Variants in USP26 observed in about 807,000 individuals in gnomAD.
The protein encoded by USP26 is ubiquitin specific peptidase 26.
For synonymous variants in USP26, 236 were observed against 240.6 expected (o/e 0.98, Z 0.18); for missense variants, 649 against 642.3 (o/e 1.01, Z -0.11).
chrX:133,068,582 A>G (rs113854319), intron 5 of USP26, among the ~76,000 whole-genome samples: 3,887 of 112,510 alleles, frequency 0.035, 101 homozygotes, highest in East Asian at 0.1. Context: ...AGTTTAAGTA[A>G]TGGTGGGAAA....
At chrX:133,095,632 G>A (rs1034246840) in intron 1 of USP26, among the ~76,000 whole-genome samples, 4 of 111,829 alleles carry the variant, frequency 3.6e-5, no homozygotes, top group African/African-American at 6.5e-5. Flanking sequence ...ACAGGGTCTC[G>A]CTCTGTCGCC....
At chrX:133,042,065 A>T (rs1340514995) in intron 5 of USP26, among the ~76,000 whole-genome samples, 1 of 111,840 alleles carries the variant, frequency 8.9e-6, no homozygotes, top group East Asian at 2.8e-4. Flanking sequence ...CCCCACATCA[A>T]GCCCGATCAC....
chrX:133,086,360 C>T (rs2067588589), intron 4 of USP26, among the ~76,000 whole-genome samples: 1 of 111,714 alleles, frequency 9.0e-6, no homozygotes, highest in Non-Finnish European at 1.9e-5. Flanking sequence ...GTAAAACTAG[C>T]ACTTTGGAAG....
At chrX:133,090,005 C>T (rs1025608524) in intron 4 of USP26, 108 bp downstream of exon 4, 1 of 111,752 alleles carries the variant, frequency 8.9e-6, no homozygotes, top group Non-Finnish European at 1.9e-5. Flanking sequence ...ACATATGTAG[C>T]CCCATTTACT....
intron 5 of USP26, among the ~76,000 whole-genome samples, chrX:133,069,209 T>C (rs2067522623): frequency 8.9e-6 from 1 of 112,109 alleles, no homozygotes; most frequent in Non-Finnish European, 1.9e-5. Context: ...TATAAGGAAG[T>C]CTTTAATTGT....
At chrX:133,078,551 A>G (rs1387504510) in intron 5 of USP26, among the ~76,000 whole-genome samples, 2 of 112,287 alleles carry the variant, frequency 1.8e-5, no homozygotes, top group Non-Finnish European at 3.8e-5. Context: ...AAGCTTAGTC[A>G]TCCTGAATAA....
intron 5 of USP26, among the ~76,000 whole-genome samples, chrX:133,051,843 T>C (rs1027392559): frequency 8.9e-6 from 1 of 112,421 alleles, no homozygotes; most frequent in Non-Finnish European, 1.9e-5. Flanking sequence ...ATTAATTCCA[T>C]ATTCATATAG....
chrX:133,067,581 G>A (rs1455303530), intron 5 of USP26, among the ~76,000 whole-genome samples: 1 of 112,100 alleles, frequency 8.9e-6, no homozygotes, highest in African/African-American at 3.2e-5. Flanking sequence ...GCAGGGACAT[G>A]GATAAAGCTG....
At chrX:133,037,813 T>G (rs903934758) in intron 5 of USP26, among the ~76,000 whole-genome samples, 4 of 111,970 alleles carry the variant, frequency 3.6e-5, no homozygotes, top group African/African-American at 1.3e-4. Flanking sequence ...ACATGGAATT[T>G]TTTTTCCATT....
Position 133,026,080 on chromosome X carries a change from A to G in USP26, c.2141T>C (p.Ile714Thr). 9 of 1,210,018 alleles carry G rather than the reference A, an allele frequency of 7.4e-6. No individual in the cohort carries two copies. The highest frequency in any genetic ancestry group is 1.0e-5 in the Non-Finnish European group (9 of 894,239). Residue 714 changes from isoleucine (I) to threonine (T), a missense_variant, in exon 6 of 6, where the codon ATC becomes ACC. By Grantham distance (89) the Ile-to-Thr change is moderately conservative (BLOSUM62 -1). Coordinates refer to ENST00000511190, the MANE Select transcript of USP26 (RefSeq NM_031907.3). ...TSKFVAFDRI[I>T]NPTKDLYEDK... is the part of the protein sequence containing the mutation. ...TTCATACAAATCTTTAGTAGGATTG[A>G]TAATCCTATCAAAAGCTACAAACTT...
chrX:133,045,938 G>A (rs980481559), intron 5 of USP26: 1 of 112,250 alleles, frequency 8.9e-6, no homozygotes, highest in Admixed American at 9.4e-5. Context: ...ATGACCACAG[G>A]TCCAATTCTG....
At chrX:133,072,956 T>C (rs183349438) in intron 5 of USP26, among the ~76,000 whole-genome samples, 1 of 112,396 alleles carries the variant, frequency 8.9e-6, no homozygotes, top group East Asian at 2.8e-4. Flanking sequence ...TGATTTGGAA[T>C]ACAGTTTTCT....
At chrX:133,043,273 A>G (rs1022184779) in intron 5 of USP26, among the ~76,000 whole-genome samples, 2 of 112,301 alleles carry the variant, frequency 1.8e-5, no homozygotes, top group Non-Finnish European at 3.8e-5. Context: ...TTAGAAGCCT[A>G]CTGTAGGCCA....
intron 1 of USP26, among the ~76,000 whole-genome samples, chrX:133,096,552 C>T (rs770255184): frequency 8.9e-6 from 1 of 111,765 alleles, no homozygotes; most frequent in Non-Finnish European, 1.9e-5. Flanking sequence ...GTCCTAATAC[C>T]GTGCACAATC....
At chrX:133,055,527 G>A (rs2067472251) in intron 5 of USP26, among the ~76,000 whole-genome samples, 1 of 111,468 alleles carries the variant, frequency 9.0e-6, no homozygotes. Flanking sequence ...TTCCACTGAG[G>A]GAATTTATTT....
intron 5 of USP26, among the ~76,000 whole-genome samples, chrX:133,075,249 C>G (rs2067544061): frequency 8.9e-6 from 1 of 112,099 alleles, no homozygotes; most frequent in Non-Finnish European, 1.9e-5. Context: ...TCCTTTCCTT[C>G]AAGTCATAAT....
intron 5 of USP26, among the ~76,000 whole-genome samples, chrX:133,049,085 T>C (rs980867506): frequency 1.8e-5 from 2 of 112,265 alleles, no homozygotes; most frequent in African/African-American, 6.5e-5. Context: ...GAACTTGCAA[T>C]TTTCTCACTG....
At position 133,027,077 on chromosome X, in the gene USP26, C is replaced by T; in HGVS notation, c.1144G>A (p.Asp382Asn). 10 of 1,211,066 alleles carry T rather than the reference C, an allele frequency of 8.3e-6. No homozygotes were observed. The highest frequency in any genetic ancestry group is 1.8e-5 in the South Asian group (1 of 56,975). The change falls in exon 6 of 6, where the codon GAT (aspartate) becomes AAT (asparagine). Residue 382 changes from aspartate to asparagine, a missense_variant. Asp to Asn is a conservative substitution (Grantham distance 23). Transcript: ENST00000511190. ...CAGTGAGCTAAAAACTCATGAGCAT[C>T]GTTCTGTGCATTGCCATGGAATATC... ...AEIFHGNAQN[D>N]AHEFLAHCLD...
At chrX:133,064,091 A>T (rs2067503556) in intron 5 of USP26, among the ~76,000 whole-genome samples, 1 of 112,391 alleles carries the variant, frequency 8.9e-6, no homozygotes, top group Non-Finnish European at 1.9e-5. Flanking sequence ...AGTCTCTGAT[A>T]AAACAGACTT....
Sources: gnomAD v4.1 joint callset for allele counts (sites outside exome capture counted in the v4.1 genomes callset) on GRCh38, gnomAD v4.1.1 for gene constraint, MANE v1.5 for transcripts, NCBI Gene and HGNC (gene_info 2026-07-23, HGNC 2026-07-21) for gene names.